MED30: variants seen among roughly 807,000 people sequenced by gnomAD.
MED30 encodes mediator complex subunit 30, also known as mediator of RNA polymerase II transcription subunit 30.
In MED30, 8 loss-of-function variants were observed where a neutral mutation model predicts 21.7. The observed-to-expected ratio is 0.37, with a 90% CI of 0.22 to 0.67. The LOEUF is 0.67. Among genes scored for constraint, MED30 ranks in the 30% least tolerant of loss-of-function variants. The pLI is 0.58. For synonymous variants in MED30, 79 were observed against 86.7 expected (o/e 0.91, Z 0.49); for missense variants, 203 against 228.2 (o/e 0.89, Z 0.71).
At chr8:117,531,178 G>A (rs1196483578) in intron 3 of MED30, among the ~76,000 whole-genome samples, 2 of 151,966 alleles carry the variant, frequency 1.3e-5, no homozygotes, top group Non-Finnish European at 2.9e-5. Context: ...AAATGTGAAT[G>A]TCTCAACACC....
At chr8:117,535,562 C>T (rs1014391398) in intron 3 of MED30, among the ~76,000 whole-genome samples, 1 of 151,884 alleles carries the variant, frequency 6.6e-6, no homozygotes, top group Non-Finnish European at 1.5e-5. Context: ...ATGGCACACA[C>T]ACCCGAGGGT....
At chr8:117,532,102 G>A (rs1818800202) in intron 3 of MED30, among the ~76,000 whole-genome samples, 2 of 151,914 alleles carry the variant, frequency 1.3e-5, no homozygotes, top group African/African-American at 4.8e-5. Context: ...ATACATAAAG[G>A]AAGCTTTGAA....
intron 1 of MED30, among the ~76,000 whole-genome samples, chr8:117,526,449 G>A (rs761987587): frequency 6.6e-6 from 1 of 151,926 alleles, no homozygotes; most frequent in Non-Finnish European, 1.5e-5. Flanking sequence ...ATAAATGTAT[G>A]TTGTCACATA....
chr8:117,538,127 A>G (rs1194232031), intron 3 of MED30, among the ~76,000 whole-genome samples: 3 of 152,204 alleles, frequency 2.0e-5, no homozygotes, highest in Non-Finnish European at 2.9e-5. Context: ...GATATATACA[A>G]CCACTTAAAT....
At chr8:117,523,225 C>A (rs1160864031) in intron 1 of MED30, 6 of 722,320 alleles carry the variant, frequency 8.3e-6, no homozygotes, top group South Asian at 1.8e-5. Flanking sequence ...TTTTTTTTGT[C>A]TGTAAGTTTA....
intron 3 of MED30, among the ~76,000 whole-genome samples, chr8:117,531,204 G>C (rs550903413): frequency 2.0e-5 from 3 of 152,068 alleles, no homozygotes; most frequent in Admixed American, 6.6e-5. Context: ...AAAAAATTTA[G>C]AGAACTATCC....
In MED30 at chr8:117,520,935, A is replaced by G. The variant is rs1341094261; in HGVS notation, c.59A>G (p.Gln20Arg). 2.5e-6 allele frequency: 4 copies of G among 1,611,610 alleles called. No homozygotes were observed. Among genetic ancestry groups the G allele is most frequent in the Non-Finnish European group, 2.5e-6 (3 of 1,179,036 alleles). ...GMAPGPFAGP[Q>R]AQQAAREVNT... ...GCGCCCGGGCCCTTCGCCGGGCCCCAGGCTCAGCAGGCCGCCCGGGAAGTC... is the reference window on the plus strand; with the variant it reads ...GCGCCCGGGCCCTTCGCCGGGCCCCGGGCTCAGCAGGCCGCCCGGGAAGTC... Residue 20 changes from glutamine to arginine, a missense_variant, in exon 1 of 4, where the codon CAG becomes CGG. By Grantham distance (43) the Gln-to-Arg change is conservative. Transcript: ENST00000297347.
intron 1 of MED30, among the ~76,000 whole-genome samples, chr8:117,522,851 TAA>T (rs1403572230): frequency 3.9e-5 from 6 of 152,082 alleles, no homozygotes; most frequent in African/African-American, 1.2e-4. Context: ...TAGCATACTT[TAA>T]AAAAAATTTT....
At chr8:117,528,019 A>G (rs944795483) in intron 1 of MED30, among the ~76,000 whole-genome samples, 1 of 151,926 alleles carries the variant, frequency 6.6e-6, no homozygotes, top group Non-Finnish European at 1.5e-5. Flanking sequence ...AAATATATCC[A>G]TATCTAAGGC....
intron 1 of MED30, among the ~76,000 whole-genome samples, chr8:117,522,841 T>C (rs1165926654): frequency 6.6e-6 from 1 of 152,174 alleles, no homozygotes; most frequent in Non-Finnish European, 1.5e-5. Context: ...TCTCAGAATT[T>C]AGCATACTTT....
intron 3 of MED30, among the ~76,000 whole-genome samples, chr8:117,535,105 T>C (rs1024741050): frequency 1.3e-5 from 2 of 152,082 alleles, no homozygotes; most frequent in Non-Finnish European, 2.9e-5. Context: ...TACATAATTG[T>C]TTCCCTCAAA....
chr8:117,539,436 G>A (rs1239785050), intron 3 of MED30, among the ~76,000 whole-genome samples: 1 of 151,874 alleles, frequency 6.6e-6, no homozygotes, highest in Non-Finnish European at 1.5e-5. Context: ...ATTGCAGTGA[G>A]CCAAGATTGC....
At chr8:117,539,454 C>T (rs569886927) in intron 3 of MED30, among the ~76,000 whole-genome samples, 1 of 151,176 alleles carries the variant, frequency 6.6e-6, no homozygotes, top group Admixed American at 6.6e-5. Context: ...TGCGCCACTG[C>T]ACTGCAGCCT....
At chr8:117,536,896 GAT>G (rs1386027608) in intron 3 of MED30, among the ~76,000 whole-genome samples, 1 of 152,124 alleles carries the variant, frequency 6.6e-6, no homozygotes, top group Non-Finnish European at 1.5e-5. Context: ...TAACATTAAT[GAT>G]AGCTGAGAAG....
intron 3 of MED30, among the ~76,000 whole-genome samples, chr8:117,532,765 A>G (rs771052689): frequency 7.2e-5 from 11 of 152,214 alleles, no homozygotes; most frequent in Non-Finnish European, 1.5e-4. Flanking sequence ...TTTCCAAAAA[A>G]TCTGATTGTA....
chr8:117,534,849 TG>T (rs952857016), intron 3 of MED30, among the ~76,000 whole-genome samples: 9 of 135,882 alleles, frequency 6.6e-5, no homozygotes, highest in African/African-American at 1.1e-4. Context: ...GCAAACAAAT[TG>T]TTTTTTTTTT....
intron 1 of MED30, 124 bp downstream of exon 1, chr8:117,521,177 T>G: frequency 3.6e-6 from 3 of 840,956 alleles, no homozygotes; most frequent in Non-Finnish European, 5.3e-6. Context: ...AGGTGTAGGG[T>G]CTCCCCCATT....
At chr8:117,522,147 A>T (rs1818633378) in intron 1 of MED30, among the ~76,000 whole-genome samples, 2 of 152,172 alleles carry the variant, frequency 1.3e-5, no homozygotes. Flanking sequence ...TTATTCTCTT[A>T]ATACTGTCTT....
chr8:117,538,369 C>T (rs941088593), intron 3 of MED30, among the ~76,000 whole-genome samples: 1 of 152,112 alleles, frequency 6.6e-6, no homozygotes, highest in African/African-American at 2.4e-5. Flanking sequence ...TTATTAAAGT[C>T]TCTGTAAATT....
Sources: gnomAD v4.1 joint callset for allele counts (sites outside exome capture counted in the v4.1 genomes callset) on GRCh38, gnomAD v4.1.1 for gene constraint, MANE v1.5 for transcripts, NCBI Gene and HGNC (gene_info 2026-07-23, HGNC 2026-07-21) for gene names.